The following ADAMTSL1 variants were observed in gnomAD, a reference collection of about 807,000 sequenced individuals.
The protein encoded by ADAMTSL1 is ADAMTS-like protein 1.
A neutral mutation model predicts 201.8 loss-of-function variants in ADAMTSL1; 126 were observed. That is an observed-to-expected ratio of 0.62 (90% CI 0.54 to 0.72). The LOEUF (loss-of-function observed/expected upper bound fraction) is 0.72, where lower values mean the gene tolerates loss of function less well. Among genes scored for constraint, ADAMTSL1 ranks in the 30% least tolerant of loss-of-function variants. The probability of loss-of-function intolerance (pLI) is 0.00; values close to 1 mark genes in which losing one functional copy is unlikely to be tolerated. For missense variants in ADAMTSL1, 2,679 were observed against 2,277.8 expected (o/e 1.18, Z -3.59); for synonymous variants, 1,121 against 903.4 (o/e 1.24, Z -4.32).
At chr9:18,829,691 C>T (rs1011484511) in intron 22 of ADAMTSL1, among the ~76,000 whole-genome samples, 152 bp from the exon 23 acceptor site, 2 of 152,134 alleles carry the variant, frequency 1.3e-5, no homozygotes, top group Non-Finnish European at 2.9e-5. Flanking sequence ...AGGGACTCCT[C>T]TATAGGAAAA....
At chr9:18,685,029 T>A (rs1564149481) in intron 13 of ADAMTSL1, 2 of 1,212,188 alleles carry the variant, frequency 1.6e-6, no homozygotes, top group East Asian at 3.8e-5. Flanking sequence ...GAAGGTGTAG[T>A]GCTTACCCTC....
rs894508774 is a variant in ADAMTSL1, at chr9:18,626,020, A to G, written c.601+3651A>G. ...CGCTTATAATAAAACACAGGCCTCT[A>G]TGTTATAAAGTACAAAATACATATG... On this transcript the variant is annotated intron_variant, in intron 5 of 28. Coordinates refer to ENST00000380548, the MANE Select transcript of ADAMTSL1 (RefSeq NM_001040272.6). 5.9e-5 allele frequency among the ~76,000 whole-genome samples: 9 copies of G among 152,344 alleles called. No homozygotes were observed. The East Asian group carries it at 1.5e-3, about 26-fold the overall frequency.
At chr9:18,841,517 GC>G (rs767714152) in intron 23 of ADAMTSL1, among the ~76,000 whole-genome samples, 1 of 152,224 alleles carries the variant, frequency 6.6e-6, no homozygotes, top group South Asian at 2.1e-4. Context: ...TTGTGTCTCT[GC>G]CCGGCTTTGG....
At chr9:18,392,249 T>A (rs1182717086) in intron 2 of ADAMTSL1, among the ~76,000 whole-genome samples, 13 of 152,218 alleles carry the variant, frequency 8.5e-5, no homozygotes, top group African/African-American at 7.2e-5. Context: ...GATTACAAAA[T>A]AATGTCATAT....
rs139332733 is a variant in ADAMTSL1, at chr9:18,853,918, T to TGTGTGTGTGTGTGTGTGTGTGC, written c.4249+23942_4249+23943insTGTGTGTGTGTGTGTGTGTGCG. On this transcript the variant is annotated intron_variant, in intron 23 of 28. Coordinates refer to ENST00000380548, the MANE Select transcript of ADAMTSL1 (RefSeq NM_001040272.6). Reference sequence around the variant, plus strand: ...GTGTGTGTGTGTGTGTGTGTGTGTGTGCGCGTGCATGCAAATAGTTGATTA... The same window carrying TGTGTGTGTGTGTGTGTGTGTGC: ...GTGTGTGTGTGTGTGTGTGTGTGTGTGTGTGTGTGTGTGTGTGTGTGCGCGCGTGCATGCAAATAGTTGATTA... Among the ~76,000 whole-genome samples, 357 of 145,446 alleles carry TGTGTGTGTGTGTGTGTGTGTGC rather than the reference T, an allele frequency of 2.5e-3. 1 individual carries two copies. The highest frequency in any genetic ancestry group is 8.6e-3 in the African/African-American group (343 of 40,002).
intron 1 of ADAMTSL1, among the ~76,000 whole-genome samples, chr9:18,142,683 A>C (rs1470882921): frequency 6.6e-6 from 1 of 152,212 alleles, no homozygotes; most frequent in Non-Finnish European, 1.5e-5. Flanking sequence ...GCATTTATCT[A>C]TCACAGTATG....
chr9:18,281,187 T>C (rs962086776), intron 2 of ADAMTSL1, among the ~76,000 whole-genome samples: 17 of 152,128 alleles, frequency 1.1e-4, no homozygotes, highest in Non-Finnish European at 2.2e-4. Flanking sequence ...AAGCAAATGA[T>C]ATAATAAGCA....
intron 23 of ADAMTSL1, among the ~76,000 whole-genome samples, chr9:18,872,338 A>T (rs367831634): frequency 9.2e-5 from 14 of 152,164 alleles, no homozygotes; most frequent in African/African-American, 3.4e-4. Context: ...TACCTTTTTT[A>T]TTATTAATTT....
At chr9:18,219,346 TA>T (rs1441684915) in intron 2 of ADAMTSL1, among the ~76,000 whole-genome samples, 12 of 53,334 alleles carry the variant, frequency 2.2e-4, no homozygotes, top group African/African-American at 1.1e-3. Context: ...ATTTTATTTT[TA>T]TTTATTTATT....
intron 23 of ADAMTSL1, among the ~76,000 whole-genome samples, chr9:18,872,580 TA>T (rs1002734284): frequency 1.8e-4 from 28 of 152,196 alleles, no homozygotes; most frequent in African/African-American, 6.3e-4. Flanking sequence ...AGTGAGAACA[TA>T]AAATGTTTGG....
chr9:18,687,546 T>C (rs1441939745), intron 13 of ADAMTSL1, among the ~76,000 whole-genome samples: 2 of 152,242 alleles, frequency 1.3e-5, no homozygotes, highest in African/African-American at 2.4e-5. Context: ...TGGAGAGTTC[T>C]GTGGTAAAGC....
At chr9:18,582,708 G>T (rs1293406380) in intron 4 of ADAMTSL1, among the ~76,000 whole-genome samples, 1 of 151,844 alleles carries the variant, frequency 6.6e-6, no homozygotes, top group Admixed American at 6.6e-5. Flanking sequence ...TATTAGCCAG[G>T]TGTGGTAGAG....
chr9:18,238,593 A>G (rs1297425310), intron 2 of ADAMTSL1, among the ~76,000 whole-genome samples: 1 of 152,216 alleles, frequency 6.6e-6, no homozygotes, highest in Non-Finnish European at 1.5e-5. Context: ...CTGGTTTGAC[A>G]TGTAATAGGC....
At chr9:18,836,485 G>T (rs1405499634) in intron 23 of ADAMTSL1, among the ~76,000 whole-genome samples, 1 of 152,034 alleles carries the variant, frequency 6.6e-6, no homozygotes, top group African/African-American at 2.4e-5. Context: ...TTTGAGAACT[G>T]TTTTGGTTAC....
intron 19 of ADAMTSL1, among the ~76,000 whole-genome samples, chr9:18,788,262 C>A (rs186572923): frequency 6.6e-6 from 1 of 152,150 alleles, no homozygotes; most frequent in Non-Finnish European, 1.5e-5. Flanking sequence ...ATCCTGCTCA[C>A]GGAGGAGATC....
At chr9:18,690,486 T>C (rs548321474) in intron 13 of ADAMTSL1, among the ~76,000 whole-genome samples, 33 of 152,316 alleles carry the variant, frequency 2.2e-4, no homozygotes, top group Admixed American at 1.8e-3. Flanking sequence ...ATTCTCTTCA[T>C]GAATCTCAGG....
intron 2 of ADAMTSL1, among the ~76,000 whole-genome samples, chr9:18,442,090 A>G (rs1362333496): frequency 3.3e-5 from 5 of 152,192 alleles, no homozygotes; most frequent in Non-Finnish European, 7.3e-5. Flanking sequence ...TTGTGTATTA[A>G]AAGTTTCCTG....
chr9:18,563,997 G>A (rs960043232), intron 3 of ADAMTSL1, among the ~76,000 whole-genome samples: 15 of 152,108 alleles, frequency 9.9e-5, no homozygotes, highest in Admixed American at 8.5e-4. Flanking sequence ...CCCTGGCTTC[G>A]GTGCCCCTTT....
chr9:18,861,788 C>T lies in ADAMTSL1; in HGVS notation c.4250-26043C>T, dbSNP rs115083268. On this transcript the variant is annotated intron_variant, in intron 23 of 28. Transcript: ENST00000380548. ...CACTTGCCAGAGCATATTCTTATCCCAGGAGCGAGCCAGCCAGATCCTTTC... is the reference window on the plus strand; with the variant it reads ...CACTTGCCAGAGCATATTCTTATCCTAGGAGCGAGCCAGCCAGATCCTTTC... Among the ~76,000 whole-genome samples the T allele has an allele frequency of 5.7e-3, 862 of 152,272 alleles. 12 individuals carry two copies. The highest frequency in any genetic ancestry group is 0.02 in the African/African-American group (816 of 41,558).
Sources: allele counts gnomAD v4.1 joint callset (sites outside exome capture counted in the v4.1 genomes callset), GRCh38; gene constraint gnomAD v4.1.1; transcripts MANE v1.5; gene names NCBI Gene and HGNC (gene_info 2026-07-23, HGNC 2026-07-21).